The following MARK3 variants were observed in gnomAD, a reference collection of about 807,000 sequenced individuals.
The protein encoded by MARK3 is microtubule affinity regulating kinase 3.
A neutral mutation model predicts 90.1 loss-of-function variants in MARK3; 46 were observed. The observed-to-expected ratio is 0.51, with a 90% confidence interval of 0.40 to 0.65. MARK3 has a LOEUF of 0.65. MARK3 is among the 30% of genes least tolerant of loss of function. The pLI is 0.00. For missense variants in MARK3, 818 were observed against 947.2 expected, an observed-to-expected ratio of 0.86 and a Z score of 1.79; for synonymous variants, 321 against 332.6, an observed-to-expected ratio of 0.97 and a Z score of 0.38.
At chr14:103,456,481 C>T (rs1024140269) in intron 5 of MARK3, among the ~76,000 whole-genome samples, 14 of 152,206 alleles carry the variant, frequency 9.2e-5, no homozygotes, top group African/African-American at 3.4e-4. Context: ...ACTGTGGAAT[C>T]TTACCCCAGA....
chr14:103,480,515 G>C, intron 14 of MARK3, 25 bp downstream of exon 14: 1 of 1,468,214 alleles, frequency 6.8e-7, no homozygotes, highest in African/African-American at 1.4e-5. Flanking sequence ...CTGTTTGTAA[G>C]AAAAGTTGTT....
intron 5 of MARK3, among the ~76,000 whole-genome samples, chr14:103,453,309 C>A (rs897472568): frequency 1.2e-4 from 18 of 152,154 alleles, no homozygotes; most frequent in African/African-American, 4.3e-4. Context: ...CACTGCCTGG[C>A]ACACAGCAGA....
At chr14:103,464,289 CTTTTTTT>C (rs143005949) in intron 7 of MARK3, among the ~76,000 whole-genome samples, 4 of 68,634 alleles carry the variant, frequency 5.8e-5, no homozygotes, top group African/African-American at 1.2e-4. Flanking sequence ...TGATTTGTCT[CTTTTTTT>C]TTTTTTTTTT....
chr14:103,491,739 A>G (rs777988325), intron 14 of MARK3, 38 bp from the exon 15 acceptor site: 5 of 1,602,698 alleles, frequency 3.1e-6, no homozygotes, highest in East Asian at 4.5e-5. Context: ...ATTTTTGTAT[A>G]TCATGTTCTG....
chr14:103,494,531 T>G, intron 15 of MARK3, among the ~76,000 whole-genome samples: 1 of 89,786 alleles, frequency 1.1e-5, no homozygotes, highest in South Asian at 3.8e-4. Flanking sequence ...GCAACAACAG[T>G]GAAACTCTGT....
chr14:103,474,729 G>A (rs2093686995), intron 12 of MARK3, among the ~76,000 whole-genome samples: 1 of 151,876 alleles, frequency 6.6e-6, no homozygotes, highest in Non-Finnish European at 1.5e-5. Flanking sequence ...ACCACCTTAA[G>A]ATGTTTCCAA....
chr14:103,491,399 C>T (rs1388060494), intron 14 of MARK3: 1 of 209,924 alleles, frequency 4.8e-6, no homozygotes. Flanking sequence ...TTTTTAGTTG[C>T]CTGTTCTTCA....
chr14:103,426,178 TTGAA>T (rs2092395493), intron 2 of MARK3, among the ~76,000 whole-genome samples: 1 of 152,152 alleles, frequency 6.6e-6, no homozygotes, highest in Admixed American at 6.5e-5. Flanking sequence ...TCACAACAGA[TTGAA>T]TGTAGAAGCT....
chr14:103,429,477 A>C lies in MARK3; in HGVS notation c.297+1037A>C, dbSNP rs75994989. 614 of 152,304 alleles carry C rather than the reference A, an allele frequency of 4.0e-3. 5 individuals are homozygous for C. Among genetic ancestry groups the C allele is most frequent in the African/African-American group, 0.014 (589 of 41,572 alleles). 9.4% of individuals were successfully genotyped at this position (152,304 alleles called of 1,614,324 possible). ...AGAGCAGTGCTCTATATACATTTCT[A>C]ATGTATTCCTCATGGTTATTTATAT... is the stretch of plus-strand genomic sequence containing the variant. On this transcript the variant is annotated intron_variant, in intron 3 of 17. Transcript: ENST00000429436.
At chr14:103,427,956 A>C (rs998560719) in intron 2 of MARK3, among the ~76,000 whole-genome samples, 2 of 152,172 alleles carry the variant, frequency 1.3e-5, no homozygotes, top group African/African-American at 4.8e-5. Flanking sequence ...CTTCCTGGGA[A>C]TGCAGCCCAG....
At chr14:103,393,626 A>G (rs1221420918) in intron 1 of MARK3, among the ~76,000 whole-genome samples, 2 of 152,226 alleles carry the variant, frequency 1.3e-5, no homozygotes, top group Admixed American at 1.3e-4. Flanking sequence ...TATGTAGCTC[A>G]TGATATATAC....
At chr14:103,482,691 T>C (rs946464696) in intron 14 of MARK3, among the ~76,000 whole-genome samples, 3 of 152,194 alleles carry the variant, frequency 2.0e-5, no homozygotes, top group African/African-American at 7.2e-5. Flanking sequence ...ACACGTATCA[T>C]ACACCAGGCA....
At chr14:103,405,756 T>C (rs1309445195) in intron 2 of MARK3, among the ~76,000 whole-genome samples, 1 of 130,478 alleles carries the variant, frequency 7.7e-6, no homozygotes, top group Non-Finnish European at 1.6e-5. Context: ...TAATTTTTTT[T>C]TTTTTTTGTA....
chr14:103,439,034 T>A (rs964476373), intron 3 of MARK3, among the ~76,000 whole-genome samples: 1 of 152,104 alleles, frequency 6.6e-6, no homozygotes, highest in South Asian at 2.1e-4. Flanking sequence ...ACTCTTATTT[T>A]ACATTTTTAG....
intron 12 of MARK3, among the ~76,000 whole-genome samples, chr14:103,470,453 C>CAATTTTTTTTTTTTTTT (rs1299534465): frequency 0.097 from 2,287 of 23,494 alleles, 115 homozygotes; most frequent in Non-Finnish European, 0.15. Flanking sequence ...GGAACTAAAT[C>CAATTTTTTTTTTTTTTT]TATTTTTTTT....
chr14:103,396,061 G>A (rs1258334012), intron 1 of MARK3, among the ~76,000 whole-genome samples: 2 of 152,176 alleles, frequency 1.3e-5, no homozygotes, highest in Non-Finnish European at 2.9e-5. Context: ...TTCTCTGCTT[G>A]TTTTCAGTGT....
intron 12 of MARK3, 128 bp downstream of exon 12, chr14:103,468,314 CTTTTTTTTTTTTTTTTT>C: frequency 8.8e-6 from 1 of 113,840 alleles, no homozygotes; most frequent in Non-Finnish European, 1.5e-5. Context: ...TTTCTTTCTT[CTTTTTTTTTTTTTTTTT>C]TTTTTTTTTT....
chr14:103,389,255 T>C (rs1237748321), intron 1 of MARK3, among the ~76,000 whole-genome samples: 1 of 151,188 alleles, frequency 6.6e-6, no homozygotes, highest in Non-Finnish European at 1.5e-5. Context: ...TCCTAGCTAC[T>C]CGGGAGGCTG....
At chr14:103,441,009 G>A (rs2092838546) in intron 3 of MARK3, among the ~76,000 whole-genome samples, 1 of 151,118 alleles carries the variant, frequency 6.6e-6, no homozygotes, top group Admixed American at 6.6e-5. Context: ...TACTGATGAG[G>A]TCATGCATTT....
Sources: allele counts gnomAD v4.1 joint callset (sites outside exome capture counted in the v4.1 genomes callset), GRCh38; gene constraint gnomAD v4.1.1; transcripts MANE v1.5; gene names NCBI Gene and HGNC (gene_info 2026-07-23, HGNC 2026-07-21).